The following CYP2C19 variants were observed in gnomAD, a reference collection of about 807,000 sequenced individuals.
CYP2C19 encodes cytochrome P450 2C19.
In CYP2C19, 59 loss-of-function variants were observed where a neutral mutation model predicts 40.9. The ratio of observed to expected loss-of-function variants is 1.44; its 90% CI spans 1.17 to 1.79. The LOEUF (loss-of-function observed/expected upper bound fraction) is 1.79, where lower values mean the gene tolerates loss of function less well. Ranked by LOEUF, CYP2C19 falls within the 40% of genes most tolerant of loss-of-function variation. CYP2C19 has a pLI of 0.00. For missense variants in CYP2C19, 754 were observed against 596.9 expected, an observed-to-expected ratio of 1.26 and a Z score of -2.74; for synonymous variants, 253 against 208.7, an observed-to-expected ratio of 1.21 and a Z score of -1.83.
At position 94,855,424 on chromosome 10, in the gene CYP2C19, T is replaced by A. The variant is rs1849716379; in HGVS notation, c.*2510T>A. ...GCTAATTCTCTGCATTTATTTTTAT[T>A]GTTTGTATTTCTTCCCTAAAATACA... is the stretch of plus-strand genomic sequence containing the variant. On this transcript the variant is annotated 3_prime_UTR_variant, in exon 9 of 9. Transcript: ENST00000371321. Among the ~76,000 whole-genome samples, 1 of 152,240 alleles carries A rather than the reference T, an allele frequency of 6.6e-6. No homozygotes were observed. Among genetic ancestry groups the A allele is most frequent in the Non-Finnish European group, 1.5e-5 (1 of 68,046 alleles).
chr10:94,811,283 T>C (rs770751696), intron 5 of CYP2C19, among the ~76,000 whole-genome samples: 1 of 152,108 alleles, frequency 6.6e-6, no homozygotes, highest in Admixed American at 6.6e-5. Context: ...TATTTGCTGA[T>C]GGGTGTTTTA....
intron 6 of CYP2C19, among the ~76,000 whole-genome samples, chr10:94,833,900 C>T (rs1341127587): frequency 6.6e-6 from 1 of 151,998 alleles, no homozygotes; most frequent in East Asian, 1.9e-4. Context: ...AATGTGGTTT[C>T]CTAGTATTTT....
Position 94,807,651 on chromosome 10 carries a change from A to G in CYP2C19, c.820-12845A>G, listed in dbSNP as rs141416819. 1.5e-3 allele frequency among the ~76,000 whole-genome samples: 224 copies of G among 152,150 alleles called. No homozygotes were observed. The East Asian group carries it at 0.036, about 24-fold the overall frequency. On this transcript the variant is annotated intron_variant, in intron 5 of 8. Coordinates refer to ENST00000371321, the MANE Select transcript of CYP2C19 (RefSeq NM_000769.4). ...TTTCCTTGCTGATATAATCATAAGC[A>G]TTTTCCATATACCTATTGGCCACTT...
chr10:94,849,471 G>A (rs1849619823), intron 7 of CYP2C19, among the ~76,000 whole-genome samples: 2 of 151,816 alleles, frequency 1.3e-5, no homozygotes, highest in Non-Finnish European at 2.9e-5. Context: ...AGGACTTTGG[G>A]ATTTTTTTTA....
chr10:94,808,578 C>A (rs143941089), intron 5 of CYP2C19, among the ~76,000 whole-genome samples: 1 of 152,156 alleles, frequency 6.6e-6, no homozygotes, highest in African/African-American at 2.4e-5. Context: ...CTCCCCTTCA[C>A]CCACTCACTG....
rs573828376 is a variant in CYP2C19, at chr10:94,803,273, A to G, written c.820-17223A>G. ...CTTTCCTTTTTCCCTCTCCCTTCCA[A>G]TGGGGGTGTAACTATAAAGTATGTT... On this transcript the variant is annotated intron_variant, in intron 5 of 8. Transcript: ENST00000371321. 1.8e-4 allele frequency among the ~76,000 whole-genome samples: 28 copies of G among 151,764 alleles called. No individual in the cohort carries two copies. The East Asian group carries it at 5.4e-3, about 29-fold the overall frequency.
At chr10:94,767,059 C>T (rs1848255288) in intron 1 of CYP2C19, among the ~76,000 whole-genome samples, 1 of 152,096 alleles carries the variant, frequency 6.6e-6, no homozygotes, top group South Asian at 2.1e-4. Context: ...TTGGCCGTTT[C>T]CTGATCAAGT....
At chr10:94,821,876 C>A (rs542025220) in intron 6 of CYP2C19, among the ~76,000 whole-genome samples, 2 of 151,986 alleles carry the variant, frequency 1.3e-5, no homozygotes, top group South Asian at 4.2e-4. Context: ...GGGGTCCCAA[C>A]TATTTCATCA....
At chr10:94,769,343 C>T (rs1445577526) in intron 1 of CYP2C19, among the ~76,000 whole-genome samples, 1 of 152,136 alleles carries the variant, frequency 6.6e-6, no homozygotes, top group Non-Finnish European at 1.5e-5. Flanking sequence ...GAGGGCTATC[C>T]CTAAACCCTT....
At chr10:94,768,128 A>G (rs916477570) in intron 1 of CYP2C19, among the ~76,000 whole-genome samples, 1 of 152,072 alleles carries the variant, frequency 6.6e-6, no homozygotes, top group Admixed American at 6.5e-5. Context: ...CTTTCTTTCC[A>G]TATTGCAGCA....
At chr10:94,797,664 C>G (rs963682175) in intron 5 of CYP2C19, among the ~76,000 whole-genome samples, 4 of 152,006 alleles carry the variant, frequency 2.6e-5, no homozygotes, top group Admixed American at 2.6e-4. Flanking sequence ...GCCTTAATTT[C>G]ATAGCCTGTT....
chr10:94,782,110 C>T (rs1848487392), intron 5 of CYP2C19, 113 bp downstream of exon 5: 2 of 807,156 alleles, frequency 2.5e-6, no homozygotes, highest in Non-Finnish European at 3.7e-6. Flanking sequence ...GCTTGAGAAG[C>T]ATATTTAAGT....
intron 5 of CYP2C19, among the ~76,000 whole-genome samples, chr10:94,806,225 G>A (rs1423456428): frequency 6.6e-6 from 1 of 152,124 alleles, no homozygotes; most frequent in African/African-American, 2.4e-5. Flanking sequence ...GTTTTCGCAT[G>A]TGTCAGATTT....
At chr10:94,847,617 G>A (rs532186860) in intron 7 of CYP2C19, among the ~76,000 whole-genome samples, 12 of 152,226 alleles carry the variant, frequency 7.9e-5, no homozygotes, top group South Asian at 2.1e-4. Context: ...TGGGTCAAGC[G>A]GTATTTCTAG....
rs149406765 is a variant in CYP2C19, at chr10:94,768,110, G to A, written c.168+5237G>A. 1.4e-4 allele frequency among the ~76,000 whole-genome samples: 21 copies of A among 152,282 alleles called. No homozygotes were observed. The East Asian group carries it at 4.0e-3, about 29-fold the overall frequency. ...TTAATGGGGGTTTCTCCAGAGGTTA[G>A]GAACTTCCTTTCTTTCCATATTGCA... is the stretch of plus-strand genomic sequence containing the variant. On this transcript the variant is annotated intron_variant, in intron 1 of 8. Transcript: ENST00000371321.
rs749097503 is a variant in CYP2C19 at position 94,775,457 on chromosome 10, T to A, written c.399T>A (p.Asn133Lys). Residue 133 changes from asparagine (N) to lysine (K), a missense_variant, in exon 3 of 9, where the codon AAT becomes AAA. By Grantham distance (94) the Asn-to-Lys change is moderately conservative. Coordinates refer to ENST00000371321, the MANE Select transcript of CYP2C19 (RefSeq NM_000769.4). ...GTTTCTCCCTCATGACGCTGCGGAATTTTGGGATGGGGAAGAGGAGCATTG... is the reference window on the plus strand; with the variant it reads ...GTTTCTCCCTCATGACGCTGCGGAAATTTGGGATGGGGAAGAGGAGCATTG... ...IRRFSLMTLR[N>K]FGMGKRSIED... 16 of 1,613,854 alleles carry A rather than the reference T, an allele frequency of 9.9e-6. No individual in the cohort carries two copies. The highest frequency in any genetic ancestry group is 1.7e-5 in the Admixed American group (1 of 59,988).
In CYP2C19 at chr10:94,836,004, G is replaced by A. The variant is rs1236679086; in HGVS notation, c.962-6833G>A. Among the ~76,000 whole-genome samples, 3 of 152,192 alleles carry A rather than the reference G, an allele frequency of 2.0e-5. No homozygotes were observed. The East Asian group carries it at 5.8e-4, about 29-fold the overall frequency. On this transcript the variant is annotated intron_variant, in intron 6 of 8. Transcript: ENST00000371321. The stretch of plus-strand genomic sequence containing the variant: ...GAACCTCTAAAAGTTCCCCTCGAGT[G>A]GTGTAGGTTTGAGCAATTACTTGTT...
intron 7 of CYP2C19, among the ~76,000 whole-genome samples, chr10:94,844,004 T>G (rs1422769624): frequency 4.6e-5 from 7 of 152,214 alleles, no homozygotes; most frequent in Admixed American, 3.3e-4. Context: ...TGAATTTATA[T>G]TCTTCATATT....
intron 5 of CYP2C19, among the ~76,000 whole-genome samples, chr10:94,795,894 A>G (rs1042815907): frequency 4.0e-4 from 61 of 152,162 alleles, no homozygotes; most frequent in African/African-American, 1.3e-3. Flanking sequence ...GATTCTTGAT[A>G]TTAGGCCTTT....
Sources: gnomAD v4.1 joint callset for allele counts (sites outside exome capture counted in the v4.1 genomes callset) on GRCh38, gnomAD v4.1.1 for gene constraint, MANE v1.5 for transcripts, NCBI Gene and HGNC (gene_info 2026-07-23, HGNC 2026-07-21) for gene names.